Variants in THSD7B observed in about 807,000 individuals in gnomAD.
THSD7B encodes thrombospondin type 1 domain containing 7B, also known as thrombospondin type-1 domain-containing protein 7B.
THSD7B carries 138 observed loss-of-function variants against 213.6 expected under a neutral mutation model. That is an observed-to-expected ratio of 0.65 (90% CI 0.56 to 0.74). THSD7B has a LOEUF of 0.74. THSD7B is among the 30% of genes least tolerant of loss of function. The pLI, the probability that THSD7B is intolerant of heterozygous loss-of-function variation, is 0.00. For missense variants in THSD7B, 1,931 were observed against 1,991.5 expected, an observed-to-expected ratio of 0.97 and a Z score of 0.58; for synonymous variants, 742 against 687.0, an observed-to-expected ratio of 1.08 and a Z score of -1.25.
chr2:137,271,596 T>C lies in THSD7B; in HGVS notation c.2267-937T>C, dbSNP rs901482924. Among the ~76,000 whole-genome samples, 16 of 151,402 alleles carry C rather than the reference T, an allele frequency of 1.1e-4. No individual in the cohort carries two copies. The East Asian group carries it at 1.4e-3, about 13-fold the overall frequency. On this transcript the variant is annotated intron_variant, in intron 10 of 27. Coordinates refer to ENST00000409968, the MANE Select transcript of THSD7B (RefSeq NM_001316349.2). ...CATGATCCCTCTTCGGTTGCCACAG[T>C]CAAAAATGATTTCTGTTTCTTCTAT...
At chr2:137,249,253 A>AT (rs1300570749) in intron 10 of THSD7B, among the ~76,000 whole-genome samples, 2 of 152,064 alleles carry the variant, frequency 1.3e-5, no homozygotes, top group East Asian at 3.9e-4. Context: ...TTTCCTATAT[A>AT]TTTTTTTAAT....
At chr2:136,959,046 AT>A (rs1476290646) in intron 2 of THSD7B, among the ~76,000 whole-genome samples, 3 of 152,086 alleles carry the variant, frequency 2.0e-5, no homozygotes, top group Admixed American at 6.5e-5. Flanking sequence ...CCAAGCAGGG[AT>A]TCTGGGAAAT....
rs149713603 is a variant in THSD7B, at chr2:137,009,007, A to G, written c.140-47413A>G. Among the ~76,000 whole-genome samples, 1,257 of 152,314 alleles carry G rather than the reference A, an allele frequency of 8.3e-3. 18 individuals carry two copies. The highest frequency in any genetic ancestry group is 0.028 in the African/African-American group (1,153 of 41,564). On this transcript the variant is annotated intron_variant, in intron 2 of 27. Transcript: ENST00000409968. Reference sequence around the variant, plus strand: ...GTGGGGCTCTTTTGTTCTTCTGCAGACAGTAAAGAACAGAATAAATTAAAA... The same window carrying G: ...GTGGGGCTCTTTTGTTCTTCTGCAGGCAGTAAAGAACAGAATAAATTAAAA...
intron 15 of THSD7B, among the ~76,000 whole-genome samples, chr2:137,488,136 T>A (rs1438049920): frequency 2.0e-5 from 3 of 152,162 alleles, no homozygotes; most frequent in Admixed American, 2.0e-4. Flanking sequence ...TGAAACCTAG[T>A]AAAATGCTCA....
intron 20 of THSD7B, among the ~76,000 whole-genome samples, chr2:137,638,552 G>A (rs1682877785): frequency 6.6e-6 from 1 of 152,060 alleles, no homozygotes; most frequent in African/African-American, 2.4e-5. Context: ...CAGTACATTG[G>A]GGCACTGCTG....
intron 25 of THSD7B, among the ~76,000 whole-genome samples, chr2:137,662,385 G>GTGTT (rs145472199): frequency 0.025 from 3,763 of 151,726 alleles, 128 homozygotes; most frequent in African/African-American, 0.085. Context: ...GCCCGGCCAG[G>GTGTT]TGTTTTCTAT....
At chr2:137,046,220 G>A (rs1686967261) in intron 2 of THSD7B, among the ~76,000 whole-genome samples, 1 of 152,190 alleles carries the variant, frequency 6.6e-6, no homozygotes, top group Non-Finnish European at 1.5e-5. Context: ...GGTTGAAAAT[G>A]TTTCTACTTT....
chr2:137,646,343 C>T (rs530984760), intron 21 of THSD7B, among the ~76,000 whole-genome samples: 65 of 152,110 alleles, frequency 4.3e-4, no homozygotes, highest in African/African-American at 1.3e-3. Flanking sequence ...GGACCTGGCT[C>T]TCATTTAAAC....
chr2:136,873,026 A>T (rs1683464159), intron 1 of THSD7B, among the ~76,000 whole-genome samples: 1 of 148,312 alleles, frequency 6.7e-6, no homozygotes. Context: ...CCATCTAAAA[A>T]AAAAAAAAAA....
At chr2:137,460,275 T>C (rs1331533635) in intron 15 of THSD7B, among the ~76,000 whole-genome samples, 4 of 152,168 alleles carry the variant, frequency 2.6e-5, no homozygotes, top group Non-Finnish European at 5.9e-5. Flanking sequence ...TTGTGACAAC[T>C]ATCTCATAAG....
chr2:137,389,781 T>C (rs1685979796), intron 12 of THSD7B, among the ~76,000 whole-genome samples: 1 of 152,144 alleles, frequency 6.6e-6, no homozygotes, highest in Non-Finnish European at 1.5e-5. Flanking sequence ...TTTATTCATC[T>C]GTATGTGGAT....
At chr2:137,566,111 C>T (rs899796115) in intron 16 of THSD7B, among the ~76,000 whole-genome samples, 3 of 152,156 alleles carry the variant, frequency 2.0e-5, no homozygotes, top group African/African-American at 7.2e-5. Context: ...TTAAAACCTT[C>T]CAACTGTAGA....
chr2:137,213,355 T>G (rs1183381693), intron 7 of THSD7B, among the ~76,000 whole-genome samples: 6 of 116,962 alleles, frequency 5.1e-5, no homozygotes, highest in Admixed American at 4.3e-4. Flanking sequence ...ATGTTATATA[T>G]ATTTATAATA....
At chr2:137,238,291 C>A (rs957358246) in intron 9 of THSD7B, among the ~76,000 whole-genome samples, 1 of 152,038 alleles carries the variant, frequency 6.6e-6, no homozygotes. Context: ...CCTTGTGACT[C>A]CTGGGCACAG....
chr2:137,119,224 T>G (rs927318142), intron 5 of THSD7B, among the ~76,000 whole-genome samples: 2 of 152,222 alleles, frequency 1.3e-5, no homozygotes, highest in African/African-American at 4.8e-5. Flanking sequence ...AATTTGATTT[T>G]GAATATGTTG....
At chr2:137,227,213 C>T (rs754545671) in intron 7 of THSD7B, among the ~76,000 whole-genome samples, 1 of 152,130 alleles carries the variant, frequency 6.6e-6, no homozygotes, top group Non-Finnish European at 1.5e-5. Flanking sequence ...AATTTCATCA[C>T]ATTAAATTAT....
intron 1 of THSD7B, among the ~76,000 whole-genome samples, chr2:136,879,016 C>T (rs974975410): frequency 6.6e-6 from 1 of 152,040 alleles, no homozygotes; most frequent in African/African-American, 2.4e-5. Flanking sequence ...AATGGTATTG[C>T]CTGGGTTTTC....
rs972120098 is a variant in THSD7B at position 137,271,449 on chromosome 2, T to A, written c.2267-1084T>A. Among the ~76,000 whole-genome samples the A allele has an allele frequency of 6.5e-4, 75 of 114,576 alleles. 3 individuals carry two copies. The highest frequency in any genetic ancestry group is 2.5e-3 in the African/African-American group (62 of 24,992). The allele number at this position is 114,576 out of a possible 152,430, so 75.2% of individuals were successfully genotyped here. A position where few individuals can be genotyped will look rare whatever the true frequency, so the allele number is the denominator to read the frequency against. On this transcript the variant is annotated intron_variant, in intron 10 of 27. Transcript: ENST00000409968. ...TATATAATATATATAATATAATATA[T>A]AATATAATATATAATATAATATATA... is the stretch of plus-strand genomic sequence containing the variant.
intron 12 of THSD7B, among the ~76,000 whole-genome samples, chr2:137,293,274 GA>G (rs1306332074): frequency 6.6e-6 from 1 of 151,982 alleles, no homozygotes; most frequent in Non-Finnish European, 1.5e-5. Flanking sequence ...AAGTAGCTGG[GA>G]TGACAGGTGC....
Sources: gnomAD v4.1 joint callset for allele counts (sites outside exome capture counted in the v4.1 genomes callset) on GRCh38, gnomAD v4.1.1 for gene constraint, MANE v1.5 for transcripts, NCBI Gene and HGNC (gene_info 2026-07-23, HGNC 2026-07-21) for gene names.